RFX7: variants seen among roughly 807,000 people sequenced by gnomAD.
The protein encoded by RFX7 is regulatory factor X7.
RFX7 carries 26 observed loss-of-function variants against 111.8 expected under a neutral mutation model. That is an observed-to-expected ratio of 0.23 (90% CI 0.17 to 0.32). The LOEUF (loss-of-function observed/expected upper bound fraction) is 0.32, where lower values mean the gene tolerates loss of function less well. RFX7 is among the 10% of genes least tolerant of loss of function. The pLI, the probability that RFX7 is intolerant of heterozygous loss-of-function variation, is 1.00. For synonymous variants in RFX7, 624 were observed against 624.4 expected (o/e 1.00, Z 0.01); for missense variants, 1,573 against 1,772.9 (o/e 0.89, Z 2.02).
rs540592683 is a variant in RFX7, at chr15:56,128,948, C to A, written c.401+13830G>T. Among the ~76,000 whole-genome samples the A allele has an allele frequency of 1.3e-3, 200 of 151,874 alleles. 1 individual carries two copies. The highest frequency in any genetic ancestry group is 4.7e-3 in the African/African-American group (193 of 41,362). On this transcript the variant is annotated intron_variant, in intron 5 of 9. Transcript: ENST00000559447. ...AGTGTTATTAAAAATAATTCCACTT[C>A]AATCAAAAATATTGAGCAATAAATT...
At chr15:56,153,883 T>C (rs1046081334) in intron 3 of RFX7, among the ~76,000 whole-genome samples, 2 of 152,122 alleles carry the variant, frequency 1.3e-5, no homozygotes, top group Non-Finnish European at 1.5e-5. Flanking sequence ...GATTGTATAT[T>C]TAGAAAACCC....
At chr15:56,150,617 C>T (rs148368212) in intron 3 of RFX7, among the ~76,000 whole-genome samples, 4 of 152,302 alleles carry the variant, frequency 2.6e-5, no homozygotes, top group East Asian at 1.9e-4. Context: ...GGAAAACCAA[C>T]GCAAAACGGC....
chr15:56,239,988 T>TC (rs1567057755), intron 2 of RFX7, among the ~76,000 whole-genome samples: 2 of 111,604 alleles, frequency 1.8e-5, no homozygotes, highest in Non-Finnish European at 3.9e-5. Flanking sequence ...GTATTTCTTT[T>TC]TTTTTTTTTT....
intron 5 of RFX7, among the ~76,000 whole-genome samples, chr15:56,123,495 G>C (rs1380604043): frequency 6.6e-6 from 1 of 152,142 alleles, no homozygotes. Context: ...GGAAGGAAGG[G>C]GTTCTTTCAG....
At chr15:56,122,771 C>G (rs569470299) in intron 5 of RFX7, among the ~76,000 whole-genome samples, 1 of 152,168 alleles carries the variant, frequency 6.6e-6, no homozygotes, top group East Asian at 1.9e-4. Context: ...ACTCTTCCTT[C>G]CCCTTTCCCT....
intron 2 of RFX7, among the ~76,000 whole-genome samples, chr15:56,204,376 A>T (rs1393454941): frequency 2.0e-5 from 3 of 152,116 alleles, no homozygotes; most frequent in Non-Finnish European, 2.9e-5. Flanking sequence ...TGGGTTGAAG[A>T]GCTATCCCAT....
chr15:56,180,675 G>A (rs1053278289), intron 2 of RFX7, among the ~76,000 whole-genome samples: 88 of 151,436 alleles, frequency 5.8e-4, no homozygotes, highest in African/African-American at 2.1e-3. Flanking sequence ...GGAGGCAGAG[G>A]CAGGTGGATT....
At chr15:56,235,131 C>A (rs1268025906) in intron 2 of RFX7, among the ~76,000 whole-genome samples, 1 of 150,696 alleles carries the variant, frequency 6.6e-6, no homozygotes, top group African/African-American at 2.4e-5. Context: ...ATGGATAGTG[C>A]AAATTGAAGC....
chr15:56,204,621 G>C (rs2043232740), intron 2 of RFX7, among the ~76,000 whole-genome samples: 1 of 152,072 alleles, frequency 6.6e-6, no homozygotes, highest in African/African-American at 2.4e-5. Flanking sequence ...TAAATGATCA[G>C]GAACACCTTT....
intron 5 of RFX7, among the ~76,000 whole-genome samples, chr15:56,118,835 C>T (rs2042040921): frequency 6.6e-6 from 1 of 152,126 alleles, no homozygotes; most frequent in Non-Finnish European, 1.5e-5. Flanking sequence ...GTTTCCTTTC[C>T]TCCACATCCT....
intron 5 of RFX7, among the ~76,000 whole-genome samples, 162 bp downstream of exon 5, chr15:56,142,616 C>G (rs1439190255): frequency 1.3e-5 from 2 of 152,122 alleles, no homozygotes; most frequent in African/African-American, 4.8e-5. Context: ...ATTATAAATG[C>G]TACTACAGAA....
At position 56,093,162 on chromosome 15, in the gene RFX7, CT is replaced by C. The variant is rs1567001158; in HGVS notation, c.*182del. On this transcript the variant is annotated 3_prime_UTR_variant, in exon 10 of 10. Transcript: ENST00000559447. ...TACTTGTTCTTCTACAGCCTACTGT[CT>C]TTAGACACTTGTTAAGAACTGAGGC... 1 of 563,930 alleles carries C rather than the reference CT, an allele frequency of 1.8e-6. No homozygotes were observed. Among genetic ancestry groups the C allele is most frequent in the East Asian group, 2.8e-5 (1 of 35,592 alleles). The allele number at this position is 563,930 out of a possible 1,614,324, so 34.9% of individuals were successfully genotyped here.
At chr15:56,206,556 G>A (rs1467708138) in intron 2 of RFX7, among the ~76,000 whole-genome samples, 1 of 152,162 alleles carries the variant, frequency 6.6e-6, no homozygotes, top group Non-Finnish European at 1.5e-5. Context: ...GCACTCCCAT[G>A]TTTACTGCAG....
intron 5 of RFX7, among the ~76,000 whole-genome samples, chr15:56,138,594 T>TG (rs1341956255): frequency 6.6e-6 from 1 of 152,006 alleles, no homozygotes; most frequent in East Asian, 1.9e-4. Flanking sequence ...GTCTTTTAAT[T>TG]GGAGCATTTA....
chr15:56,111,679 A>AAC (rs1309978332), intron 5 of RFX7, among the ~76,000 whole-genome samples: 1 of 150,910 alleles, frequency 6.6e-6, no homozygotes, highest in African/African-American at 2.4e-5. Context: ...AAAAAAAAAA[A>AAC]ACCAAAAAAA....
intron 3 of RFX7, among the ~76,000 whole-genome samples, chr15:56,155,669 C>T (rs1219624576): frequency 1.3e-5 from 2 of 151,986 alleles, no homozygotes; most frequent in Admixed American, 1.3e-4. Flanking sequence ...ATGTAGGTGA[C>T]GGGTTGATAG....
chr15:56,180,989 C>T (rs1427132122), intron 2 of RFX7, among the ~76,000 whole-genome samples: 1 of 152,158 alleles, frequency 6.6e-6, no homozygotes, highest in East Asian at 1.9e-4. Flanking sequence ...TAACTGGTTT[C>T]TCTGTTTCTA....
intron 2 of RFX7, among the ~76,000 whole-genome samples, chr15:56,234,295 T>C (rs1035659824): frequency 2.6e-5 from 4 of 152,238 alleles, no homozygotes; most frequent in Admixed American, 1.3e-4. Context: ...TTTTTAACCT[T>C]TTTATGCCTT....
chr15:56,102,866 AAAGAC>A (rs2041775383), intron 6 of RFX7, among the ~76,000 whole-genome samples: 1 of 152,206 alleles, frequency 6.6e-6, no homozygotes, highest in South Asian at 2.1e-4. Flanking sequence ...GCTCTGAAAA[AAAGAC>A]AAGAGCTAAG....
Sources: allele counts gnomAD v4.1 joint callset (sites outside exome capture counted in the v4.1 genomes callset), GRCh38; gene constraint gnomAD v4.1.1; transcripts MANE v1.5; gene names NCBI Gene and HGNC (gene_info 2026-07-23, HGNC 2026-07-21).